Variants in TRAPPC12 observed in about 807,000 individuals in gnomAD.
TRAPPC12 encodes TPR repeat protein 15.
A neutral mutation model predicts 69.2 loss-of-function variants in TRAPPC12; 61 were observed. The observed-to-expected ratio is 0.88, with a 90% CI of 0.72 to 1.09. TRAPPC12 has a LOEUF of 1.09. TRAPPC12 is among the 50% of genes least tolerant of loss of function. TRAPPC12 has a pLI of 0.00. For synonymous variants in TRAPPC12, 469 were observed against 438.9 expected, an observed-to-expected ratio of 1.07 and a Z score of -0.86; for missense variants, 1,101 against 1,016.4, an observed-to-expected ratio of 1.08 and a Z score of -1.13.
At chr2:3,419,577 ACAC>A (rs2103049464) in intron 3 of TRAPPC12, among the ~76,000 whole-genome samples, 1 of 151,582 alleles carries the variant, frequency 6.6e-6, no homozygotes, top group African/African-American at 2.4e-5. Context: ...CAGTGGCCGC[ACAC>A]CAGCTAGTGA....
intron 3 of TRAPPC12, among the ~76,000 whole-genome samples, chr2:3,408,858 C>T (rs953565434): frequency 2.0e-5 from 3 of 152,178 alleles, no homozygotes; most frequent in Admixed American, 6.5e-5. Flanking sequence ...TGCAGTTGAT[C>T]GGGCAGCACA....
At chr2:3,423,322 T>TTGTGTG (rs34767789) in intron 4 of TRAPPC12, among the ~76,000 whole-genome samples, 2,977 of 149,180 alleles carry the variant, frequency 0.02, 44 homozygotes, top group African/African-American at 0.035. Context: ...TCGCATGCCT[T>TTGTGTG]TGTGTGTGTG....
At chr2:3,478,626 C>T (rs1666403730) in intron 10 of TRAPPC12, 2 of 491,602 alleles carry the variant, frequency 4.1e-6, no homozygotes, top group Non-Finnish European at 7.3e-6. Flanking sequence ...GAGAGCAAAA[C>T]TCCATCTAAA....
intron 2 of TRAPPC12, among the ~76,000 whole-genome samples, chr2:3,392,031 G>C (rs564977186): frequency 3.9e-5 from 6 of 152,180 alleles, no homozygotes; most frequent in African/African-American, 1.4e-4. Context: ...GCAGTCCAAC[G>C]GTCTTAGGTA....
At chr2:3,469,814 C>T (rs1665983694) in intron 9 of TRAPPC12, among the ~76,000 whole-genome samples, 1 of 152,186 alleles carries the variant, frequency 6.6e-6, no homozygotes, top group Non-Finnish European at 1.5e-5. Flanking sequence ...TGGACAGAAT[C>T]GGGGAAGGCA....
chr2:3,468,120 T>C (rs1451722320), intron 9 of TRAPPC12: 6 of 152,232 alleles, frequency 3.9e-5, no homozygotes, highest in Non-Finnish European at 8.8e-5. Flanking sequence ...GTTGATTTGC[T>C]GTTGCCCAAA....
intron 3 of TRAPPC12, among the ~76,000 whole-genome samples, chr2:3,415,234 A>G (rs1449741792): frequency 6.6e-6 from 1 of 151,984 alleles, no homozygotes; most frequent in African/African-American, 2.4e-5. Flanking sequence ...TCTGTTTCTC[A>G]CTCGCGGTGA....
chr2:3,438,615 C>T (rs1217639329), intron 5 of TRAPPC12, among the ~76,000 whole-genome samples: 1 of 151,606 alleles, frequency 6.6e-6, no homozygotes, highest in Non-Finnish European at 1.5e-5. Context: ...CCCCATCACC[C>T]CTGGGAGCTT....
chr2:3,382,907 A>G (rs532705216), intron 1 of TRAPPC12, among the ~76,000 whole-genome samples: 1 of 152,260 alleles, frequency 6.6e-6, no homozygotes, highest in Non-Finnish European at 1.5e-5. Context: ...CCAGGGTGAC[A>G]GAGCCAGACT....
rs1346994402 is a variant in TRAPPC12 at position 3,448,697 on chromosome 2, A to ACT, written c.1530+4807_1530+4808insTC. On this transcript the variant is annotated intron_variant, in intron 6 of 11. Coordinates refer to ENST00000324266, the MANE Select transcript of TRAPPC12 (RefSeq NM_016030.6). ...GGTAGGGCGTGGAGAGCAGCCGGTTACGCGAGGGTAGGGCGTGGAGAGCAG... is the reference window on the plus strand; with the variant it reads ...GGTAGGGCGTGGAGAGCAGCCGGTTACTCGCGAGGGTAGGGCGTGGAGAGCAG... 2.3e-3 allele frequency among the ~76,000 whole-genome samples: 332 copies of ACT among 144,954 alleles called. 3 individuals carry two copies. The highest frequency in any genetic ancestry group is 5.8e-3 in the East Asian group (29 of 5,004).
At position 3,443,812 on chromosome 2, in the gene TRAPPC12, A is replaced by G. The variant is rs768506037; in HGVS notation, c.1451A>G (p.His484Arg). The change falls in exon 6 of 12, where the codon CAC (histidine) becomes CGC (arginine). Residue 484 changes from histidine to arginine, a missense_variant. His to Arg is a conservative substitution (Grantham distance 29). Coordinates refer to ENST00000324266, the MANE Select transcript of TRAPPC12 (RefSeq NM_016030.6). ...GTCCCCTTCTCGATGCGCATCTTGC[A>G]CGCGGAGCTTCAGCAGTACCTGGGG... ...SMVPFSMRIL[H>R]AELQQYLGNP... The G allele has an allele frequency of 7.4e-6, 12 of 1,614,018 alleles. No individual in the cohort carries two copies. The highest frequency in any genetic ancestry group is 1.0e-5 in the Non-Finnish European group (12 of 1,180,046).
At chr2:3,391,701 C>T (rs1292614365) in intron 2 of TRAPPC12, among the ~76,000 whole-genome samples, 1 of 152,164 alleles carries the variant, frequency 6.6e-6, no homozygotes, top group Non-Finnish European at 1.5e-5. Context: ...ACTCTGATGT[C>T]AGGGGTATTT....
intron 7 of TRAPPC12, chr2:3,458,276 C>A: frequency 1.0e-6 from 1 of 987,004 alleles, no homozygotes; most frequent in African/African-American, 1.7e-5. Flanking sequence ...AGCAAGCTTC[C>A]GATCATGCTT....
Position 3,479,447 on chromosome 2 carries a change from C to T in TRAPPC12, c.2194C>T (p.Leu732Phe), listed in dbSNP as rs569830694. Residue 732 changes from leucine (L) to phenylalanine (F), a missense_variant, in exon 12 of 12, where the codon CTC becomes TTC. Coordinates refer to ENST00000324266, the MANE Select transcript of TRAPPC12 (RefSeq NM_016030.6). ...KEGDSFNTQC[L>F]KLA ...GGGGGACAGCTTCAACACACAGTGC[C>T]TCAAGCTGGCCTAGCTGCCTCCAAC... is the stretch of plus-strand genomic sequence containing the variant. 2 of 1,613,882 alleles carry T rather than the reference C, an allele frequency of 1.2e-6. No homozygotes were observed. The highest frequency in any genetic ancestry group is 1.3e-5 in the African/African-American group (1 of 75,062).
At position 3,387,773 on chromosome 2, in the gene TRAPPC12, C is replaced by T; in HGVS notation, c.150C>T (p.Thr50=). ...AGTTTGGATCCGAAGAGAACGAGACCGCATCGGAAGGCTCGAGTCCTCTCG... is the reference window on the plus strand; with the variant it reads ...AGTTTGGATCCGAAGAGAACGAGACTGCATCGGAAGGCTCGAGTCCTCTCG... The part of the protein sequence containing the change: ...GDEFGSEENE[T]ASEGSSPLAD... The change falls in exon 2 of 12, where the codon ACC becomes ACT. Residue 50 remains threonine, a synonymous_variant. Coordinates refer to ENST00000324266, the MANE Select transcript of TRAPPC12 (RefSeq NM_016030.6). The T allele has an allele frequency of 1.9e-6, 3 of 1,613,018 alleles. No homozygotes were observed. Among genetic ancestry groups the T allele is most frequent in the East Asian group, 2.2e-5 (1 of 44,800 alleles).
intron 3 of TRAPPC12, among the ~76,000 whole-genome samples, chr2:3,404,772 A>T (rs1661633213): frequency 6.6e-6 from 1 of 151,978 alleles, no homozygotes; most frequent in Admixed American, 6.6e-5. Flanking sequence ...ATGAATAGAT[A>T]AGAGAACCCC....
At chr2:3,422,762 T>C (rs1662882265) in intron 4 of TRAPPC12, among the ~76,000 whole-genome samples, 4 of 152,242 alleles carry the variant, frequency 2.6e-5, no homozygotes, top group Admixed American at 1.3e-4. Context: ...TCTCCATCCA[T>C]TGGTTTGCCA....
At chr2:3,443,703 C>G in intron 5 of TRAPPC12, 76 bp from the exon 6 acceptor site, 1 of 1,129,054 alleles carries the variant, frequency 8.9e-7, no homozygotes, top group Non-Finnish European at 1.3e-6. Context: ...TCTGCGACGC[C>G]TCCTTCAAGT....
At chr2:3,386,832 C>T (rs1474278058) in intron 1 of TRAPPC12, among the ~76,000 whole-genome samples, 2 of 152,090 alleles carry the variant, frequency 1.3e-5, no homozygotes, top group Non-Finnish European at 2.9e-5. Context: ...GTTTATATGG[C>T]TGGAACCTCA....
Sources: gnomAD v4.1 joint callset for allele counts (sites outside exome capture counted in the v4.1 genomes callset) on GRCh38, gnomAD v4.1.1 for gene constraint, MANE v1.5 for transcripts, NCBI Gene and HGNC (gene_info 2026-07-23, HGNC 2026-07-21) for gene names.